COL5A1: variants seen among roughly 807,000 people sequenced by gnomAD.
COL5A1 encodes the protein collagen alpha-1(V) chain.
COL5A1 carries 16 observed loss-of-function variants against 263.7 expected under a neutral mutation model. That is an observed-to-expected ratio of 0.06 (90% CI 0.04 to 0.09). The LOEUF (loss-of-function observed/expected upper bound fraction) is 0.09. Ranked by LOEUF, COL5A1 falls within the 10% of genes least tolerant of loss-of-function variation. The pLI is 1.00. For missense variants in COL5A1, 2,036 were observed against 2,540.5 expected, an observed-to-expected ratio of 0.80 and a Z score of 4.27; for synonymous variants, 1,012 against 1,004.5, an observed-to-expected ratio of 1.01 and a Z score of -0.14.
rs4842160 is a variant in COL5A1 at position 134,767,159 on chromosome 9, A to T, written c.2187+106A>T. On this transcript the variant is annotated intron_variant, in intron 23 of 65. Transcript: ENST00000371817. ...GCGGGGAGCTCTGTCCCCTCCAAGT[A>T]GCAGCCCCTCCCCTTATCTGGAGGG... The T allele has an allele frequency of 0.31, 442,301 of 1,438,178 alleles. 70,209 individuals are homozygous for T. The highest frequency in any genetic ancestry group is 0.4 in the East Asian group (17,285 of 43,306). 89.1% of individuals were successfully genotyped at this position (1,438,178 alleles called of 1,614,324 possible).
intron 37 of COL5A1, among the ~76,000 whole-genome samples, chr9:134,801,675 T>C (rs1027074631): frequency 2.0e-5 from 3 of 151,304 alleles, no homozygotes; most frequent in African/African-American, 7.3e-5. Flanking sequence ...TAATCCCAGC[T>C]ACCCAGGAGG....
At chr9:134,685,338 A>ATCCATCCATCCGTCCG (rs1833004951) in intron 1 of COL5A1, among the ~76,000 whole-genome samples, 2 of 139,380 alleles carry the variant, frequency 1.4e-5, no homozygotes, top group African/African-American at 5.5e-5. Context: ...CCATCTGTCC[A>ATCCATCCATCCGTCCG]TCCATCCATC....
intron 36 of COL5A1, 105 bp from the exon 37 acceptor site, chr9:134,798,303 G>C (rs1259469580): frequency 2.9e-6 from 3 of 1,031,640 alleles, no homozygotes; most frequent in East Asian, 4.9e-5. Flanking sequence ...GGATGTGCAG[G>C]GGCAGGAGCC....
intron 63 of COL5A1, among the ~76,000 whole-genome samples, chr9:134,828,809 TACCACACACACAC>T (rs1301479316): frequency 2.1e-5 from 3 of 142,730 alleles, no homozygotes; most frequent in Admixed American, 7.0e-5. Flanking sequence ...TACACACAGA[TACCACACACACAC>T]ACCACACATC....
rs1339816982 is a variant in COL5A1 at position 134,680,735 on chromosome 9, G to A, written c.110-10177G>A. Among the ~76,000 whole-genome samples, 2 of 152,254 alleles carry A rather than the reference G, an allele frequency of 1.3e-5. No individual in the cohort carries two copies. The highest frequency in any genetic ancestry group is 2.4e-5 in the African/African-American group (1 of 41,462). ...GTGACACTGGTGAGGAGATGGACCT[G>A]TGACAGCCAGGGCCTCCCGGGAAAA... is the stretch of plus-strand genomic sequence containing the variant. On this transcript the variant is annotated intron_variant, in intron 1 of 65. Coordinates refer to ENST00000371817, the MANE Select transcript of COL5A1 (RefSeq NM_000093.5). This position sits in a 1 kb window ranked among gnomAD's most constrained non-coding sequence, Gnocchi z 5.9.
At chr9:134,768,568 C>A in intron 25 of COL5A1, 105 bp downstream of exon 25, 1 of 1,164,682 alleles carries the variant, frequency 8.6e-7, no homozygotes, top group Non-Finnish European at 1.3e-6. Flanking sequence ...ACGGCATTGA[C>A]TCATTCTGGC....
chr9:134,743,848 T>C (rs1292117754), intron 11 of COL5A1, among the ~76,000 whole-genome samples: 1 of 152,182 alleles, frequency 6.6e-6, no homozygotes, highest in Non-Finnish European at 1.5e-5. Context: ...TTGAAAAGTT[T>C]CGTATGTAAG....
intron 4 of COL5A1, among the ~76,000 whole-genome samples, chr9:134,710,715 G>A (rs1834006319): frequency 7.0e-6 from 1 of 141,958 alleles, no homozygotes; most frequent in Non-Finnish European, 1.5e-5. Context: ...GCAGTGGTGG[G>A]GGAGGAGCCC....
chr9:134,766,557 T>A, intron 22 of COL5A1, 59 bp downstream of exon 22: 1 of 1,548,922 alleles, frequency 6.5e-7, no homozygotes, highest in Non-Finnish European at 8.9e-7. Context: ...GCACACTCCT[T>A]GCCTGGCTAG....
At chr9:134,710,589 G>GA (rs1833996618) in intron 4 of COL5A1, among the ~76,000 whole-genome samples, 1 of 133,600 alleles carries the variant, frequency 7.5e-6, no homozygotes, top group Non-Finnish European at 1.7e-5. Flanking sequence ...TGCAGTGGTG[G>GA]GGGGGCCCAT....
chr9:134,681,960 CCT>C lies in COL5A1; in HGVS notation c.110-8939_110-8938del, dbSNP rs374874057. Among the ~76,000 whole-genome samples, 11 of 150,582 alleles carry C rather than the reference CCT, an allele frequency of 7.3e-5. No individual in the cohort carries two copies. Among genetic ancestry groups the C allele is most frequent in the Non-Finnish European group, 4.4e-5 (3 of 67,428 alleles). ...CCCTCTCTCTCCCCATCTCTCCCTC[CCT>C]CTCTCTCTCTCTTGCTCTCTGTCTG... On this transcript the variant is annotated intron_variant, in intron 1 of 65. Transcript: ENST00000371817. This position sits in a 1 kb window ranked among gnomAD's most constrained non-coding sequence, Gnocchi z 4.3.
intron 1 of COL5A1, among the ~76,000 whole-genome samples, chr9:134,688,136 C>T (rs899732540): frequency 2.7e-4 from 41 of 152,184 alleles, no homozygotes; most frequent in African/African-American, 9.2e-4. Flanking sequence ...GGCACTAGGC[C>T]TGGGAAAGGT....
intron 1 of COL5A1, among the ~76,000 whole-genome samples, chr9:134,645,189 C>T (rs191918200): frequency 8.7e-4 from 133 of 152,310 alleles, no homozygotes; most frequent in Non-Finnish European, 1.5e-3. Flanking sequence ...GATGTTACTC[C>T]TGGGCTGCTC....
intron 27 of COL5A1, among the ~76,000 whole-genome samples, chr9:134,775,447 A>G (rs1837018730): frequency 6.6e-6 from 1 of 152,142 alleles, no homozygotes; most frequent in South Asian, 2.1e-4. Context: ...TTTATTCACA[A>G]TCATTCGTGT....
chr9:134,806,308 C>A lies in COL5A1; in HGVS notation c.3366+12C>A, dbSNP rs549963829. On this transcript the variant is annotated intron_variant, in intron 42 of 65. Coordinates refer to ENST00000371817, the MANE Select transcript of COL5A1 (RefSeq NM_000093.5). ...AGAAAGGGGCTCCTGTAAGTACTGC[C>A]TTGGATTGGGGGAGCCCTTCCCTCA... is the stretch of plus-strand genomic sequence containing the variant. 2.1e-5 allele frequency: 32 copies of A among 1,530,250 alleles called. No individual in the cohort carries two copies. In the South Asian group the frequency reaches 3.7e-4, roughly 18 times the overall value. 94.8% of individuals were successfully genotyped at this position (1,530,250 alleles called of 1,614,324 possible). A position where few individuals can be genotyped will look rare whatever the true frequency, so the allele number is the denominator to read the frequency against.
chr9:134,834,168 T>TA (rs1839761050), intron 64 of COL5A1, among the ~76,000 whole-genome samples: 1 of 152,088 alleles, frequency 6.6e-6, no homozygotes, highest in African/African-American at 2.4e-5. Context: ...CCAGGGAACC[T>TA]AATGCCCCTC....
chr9:134,765,805 A>G lies in COL5A1; in HGVS notation c.2088+71A>G. 1 of 1,326,658 alleles carries G rather than the reference A, an allele frequency of 7.5e-7. No homozygotes were observed. Among genetic ancestry groups the G allele is most frequent in the Non-Finnish European group, 1.1e-6 (1 of 939,392 alleles). The allele number at this position is 1,326,658 out of a possible 1,614,324, so 82.2% of individuals were successfully genotyped here. ...TGAGACCCCGCCTCCCAGCCGGTGG[A>G]CGCTTGGGCACTGGGGCAGCAAGTC... On this transcript the variant is annotated intron_variant, in intron 21 of 65. Transcript: ENST00000371817. This position sits in a 1 kb window ranked among gnomAD's most constrained non-coding sequence, Gnocchi z 5.1.
At position 134,696,184 on chromosome 9, in the gene COL5A1, T is replaced by C. The variant is rs1278313107; in HGVS notation, c.278-3725T>C. On this transcript the variant is annotated intron_variant, in intron 2 of 65. Coordinates refer to ENST00000371817, the MANE Select transcript of COL5A1 (RefSeq NM_000093.5). The surrounding 1 kb of genome is among the most constrained non-coding windows in gnomAD (Gnocchi z 4.3). ...GCATTATTTGCAATTATTATTATTA[T>C]TATTATTGAGACAGAGTCTCACTCT... Among the ~76,000 whole-genome samples, 1 of 152,016 alleles carries C rather than the reference T, an allele frequency of 6.6e-6. No homozygotes were observed. The highest frequency in any genetic ancestry group is 1.5e-5 in the Non-Finnish European group (1 of 68,000).
chr9:134,838,872 G>C (rs2132935235), intron 65 of COL5A1, among the ~76,000 whole-genome samples: 1 of 152,392 alleles, frequency 6.6e-6, no homozygotes, highest in African/African-American at 2.4e-5. Flanking sequence ...GGCAGTGGCA[G>C]CAGCGTGGAG....
Sources: allele counts gnomAD v4.1 joint callset (sites outside exome capture counted in the v4.1 genomes callset), GRCh38; gene constraint gnomAD v4.1.1; non-coding constraint Gnocchi (gnomAD v3.1); transcripts MANE v1.5; gene names NCBI Gene and HGNC (gene_info 2026-07-23, HGNC 2026-07-21).